EPHA6: variants seen among roughly 807,000 people sequenced by gnomAD.
The protein encoded by EPHA6 is ephrin type-A receptor 6.
EPHA6 carries 50 observed loss-of-function variants against 112.0 expected under a neutral mutation model. The observed-to-expected ratio is 0.45, with a 90% confidence interval of 0.36 to 0.56. EPHA6 has a LOEUF of 0.56. Among genes scored for constraint, EPHA6 ranks in the 20% least tolerant of loss-of-function variants. EPHA6 has a pLI of 0.00. For missense variants in EPHA6, 1,280 were observed against 1,417.4 expected, an observed-to-expected ratio of 0.90 and a Z score of 1.56; for synonymous variants, 529 against 490.7, an observed-to-expected ratio of 1.08 and a Z score of -1.03.
chr3:97,594,208 C>T (rs560998174), intron 12 of EPHA6, among the ~76,000 whole-genome samples: 1 of 152,322 alleles, frequency 6.6e-6, no homozygotes, highest in East Asian at 1.9e-4. Flanking sequence ...TTAAGACTGA[C>T]TTGAATTATT....
chr3:97,029,649 T>G lies in EPHA6; in HGVS notation c.1114+41656T>G, dbSNP rs182997066. On this transcript the variant is annotated intron_variant, in intron 3 of 17. Transcript: ENST00000389672. ...AATTAATGGGGGTGATAGTAATATTTTGTAACTCTGTTGTGGTGGTTTCAT... is the reference window on the plus strand; with the variant it reads ...AATTAATGGGGGTGATAGTAATATTGTGTAACTCTGTTGTGGTGGTTTCAT... Among the ~76,000 whole-genome samples, 136 of 152,226 alleles carry G rather than the reference T, an allele frequency of 8.9e-4. 1 individual carries two copies. The highest frequency in any genetic ancestry group is 3.4e-3 in the Middle Eastern group (1 of 294).
intron 3 of EPHA6, among the ~76,000 whole-genome samples, chr3:97,029,307 A>C (rs1392615200): frequency 1.3e-5 from 2 of 151,626 alleles, no homozygotes; most frequent in East Asian, 3.9e-4. Flanking sequence ...ATTACATATA[A>C]ATTACATAAA....
At chr3:97,256,408 C>T (rs2079315389) in intron 5 of EPHA6, among the ~76,000 whole-genome samples, 1 of 151,752 alleles carries the variant, frequency 6.6e-6, no homozygotes. Flanking sequence ...CCAATAGGGA[C>T]CTGATTTTCA....
In EPHA6 at chr3:97,317,133, A is replaced by AG. The variant is rs539233995; in HGVS notation, c.1606+72847dup. On this transcript the variant is annotated intron_variant, in intron 5 of 17. Transcript: ENST00000389672. ...ATTGTTGCCATCTCAGGATTGGAAG[A>AG]GAAAAAAAAAAAGAAAATGTGATGA... is the stretch of plus-strand genomic sequence containing the variant. Among the ~76,000 whole-genome samples, 757 of 151,824 alleles carry AG rather than the reference A, an allele frequency of 5.0e-3. 8 individuals are homozygous for AG. The highest frequency in any genetic ancestry group is 0.017 in the African/African-American group (701 of 41,350).
intron 3 of EPHA6, among the ~76,000 whole-genome samples, chr3:97,206,491 T>C (rs987127450): frequency 2.0e-5 from 3 of 152,088 alleles, no homozygotes; most frequent in African/African-American, 7.2e-5. Flanking sequence ...TATAGAATTT[T>C]GTGATACTCA....
intron 3 of EPHA6, among the ~76,000 whole-genome samples, chr3:97,093,819 C>T (rs1199276616): frequency 6.6e-6 from 1 of 152,030 alleles, no homozygotes; most frequent in Non-Finnish European, 1.5e-5. Flanking sequence ...TATAAAATTA[C>T]AGCTATTTAT....
intron 7 of EPHA6, among the ~76,000 whole-genome samples, chr3:97,455,717 T>A (rs1203048593): frequency 6.6e-6 from 1 of 152,012 alleles, no homozygotes; most frequent in Admixed American, 6.6e-5. Context: ...AATGTACACA[T>A]GGTAGACCAA....
At chr3:97,208,330 A>G (rs535214194) in intron 3 of EPHA6, among the ~76,000 whole-genome samples, 1 of 152,322 alleles carries the variant, frequency 6.6e-6, no homozygotes, top group East Asian at 1.9e-4. Flanking sequence ...AAGGTGGTAA[A>G]TAAACTATTT....
chr3:97,054,533 A>G (rs1336881045), intron 3 of EPHA6, among the ~76,000 whole-genome samples: 2 of 148,334 alleles, frequency 1.3e-5, no homozygotes, highest in Non-Finnish European at 2.9e-5. Flanking sequence ...AAAATATGAC[A>G]AAAAAATCAC....
At chr3:97,608,472 A>T (rs1325261853) in intron 12 of EPHA6, among the ~76,000 whole-genome samples, 1 of 151,352 alleles carries the variant, frequency 6.6e-6, no homozygotes, top group African/African-American at 2.4e-5. Context: ...GTGAATGAGG[A>T]TACAAAGCAT....
At chr3:97,276,490 C>T (rs566958341) in intron 5 of EPHA6, among the ~76,000 whole-genome samples, 128 of 152,074 alleles carry the variant, frequency 8.4e-4, no homozygotes, top group Admixed American at 1.8e-3. Flanking sequence ...TGGCCGACTG[C>T]GGTTCAGGCG....
chr3:97,013,502 C>T (rs946208006), intron 3 of EPHA6, among the ~76,000 whole-genome samples: 4 of 152,050 alleles, frequency 2.6e-5, no homozygotes, highest in African/African-American at 4.8e-5. Flanking sequence ...GTACCCACTA[C>T]GTCCTGAAAA....
intron 11 of EPHA6, among the ~76,000 whole-genome samples, chr3:97,558,515 C>T (rs953633224): frequency 5.3e-5 from 8 of 151,994 alleles, no homozygotes; most frequent in African/African-American, 1.4e-4. Context: ...AGTGTTTTGT[C>T]TTTCCCCCTT....
intron 14 of EPHA6, among the ~76,000 whole-genome samples, chr3:97,677,481 G>C (rs1261862315): frequency 1.3e-5 from 2 of 152,060 alleles, no homozygotes; most frequent in African/African-American, 2.4e-5. Flanking sequence ...AGCATTTTGG[G>C]AGGCCAAGGT....
chr3:97,154,735 AACTC>A (rs1295833670), intron 3 of EPHA6, among the ~76,000 whole-genome samples: 2 of 152,170 alleles, frequency 1.3e-5, no homozygotes, highest in Admixed American at 6.6e-5. Flanking sequence ...GTGAACATTT[AACTC>A]ACTCTATTTT....
intron 5 of EPHA6, among the ~76,000 whole-genome samples, chr3:97,302,478 T>G (rs2081134181): frequency 6.9e-6 from 1 of 144,556 alleles, no homozygotes; most frequent in Non-Finnish European, 1.5e-5. Context: ...ACCTCAGGTG[T>G]TTTTTTTTTT....
chr3:97,063,537 T>C (rs1236868380), intron 3 of EPHA6, among the ~76,000 whole-genome samples: 2 of 151,884 alleles, frequency 1.3e-5, no homozygotes, highest in Non-Finnish European at 2.9e-5. Flanking sequence ...CAACACACAC[T>C]TAGGCCTATG....
chr3:96,870,079 G>A (rs963950307), intron 2 of EPHA6, among the ~76,000 whole-genome samples: 1 of 151,962 alleles, frequency 6.6e-6, no homozygotes, highest in African/African-American at 2.4e-5. Flanking sequence ...TATTGGTCAT[G>A]GTTCTTTAGA....
At chr3:97,242,946 T>C (rs2078889904) in intron 4 of EPHA6, among the ~76,000 whole-genome samples, 1 of 151,848 alleles carries the variant, frequency 6.6e-6, no homozygotes, top group African/African-American at 2.4e-5. Flanking sequence ...TTTTCACATA[T>C]AGTACTTAGC....
Sources: allele counts gnomAD v4.1 joint callset (sites outside exome capture counted in the v4.1 genomes callset), GRCh38; gene constraint gnomAD v4.1.1; transcripts MANE v1.5; gene names NCBI Gene and HGNC (gene_info 2026-07-23, HGNC 2026-07-21).